The following PLXDC2 variants were observed in gnomAD, a reference collection of about 807,000 sequenced individuals.
PLXDC2 encodes the protein plexin domain-containing protein 2.
PLXDC2 carries 40 observed loss-of-function variants against 68.9 expected under a neutral mutation model. The ratio of observed to expected loss-of-function variants is 0.58; its 90% CI spans 0.45 to 0.76. PLXDC2 has a LOEUF of 0.76. Ranked by LOEUF, PLXDC2 falls within the 30% of genes least tolerant of loss-of-function variation. The probability of loss-of-function intolerance (pLI) is 0.00; values close to 1 mark genes in which losing one functional copy is unlikely to be tolerated. For missense variants in PLXDC2, 644 were observed against 661.9 expected, an observed-to-expected ratio of 0.97 and a Z score of 0.30; for synonymous variants, 243 against 234.2, an observed-to-expected ratio of 1.04 and a Z score of -0.34.
At chr10:20,174,716 A>G (rs1252114025) in intron 7 of PLXDC2, among the ~76,000 whole-genome samples, 2 of 152,106 alleles carry the variant, frequency 1.3e-5, no homozygotes, top group African/African-American at 4.8e-5. Flanking sequence ...TGGGTGCAGC[A>G]CACCAACATG....
chr10:20,144,063 T>C (rs1230020755), intron 5 of PLXDC2, among the ~76,000 whole-genome samples: 1 of 152,136 alleles, frequency 6.6e-6, no homozygotes, highest in East Asian at 1.9e-4. Flanking sequence ...TTCAAGGTCT[T>C]GGAGACATAA....
intron 1 of PLXDC2, among the ~76,000 whole-genome samples, chr10:19,914,578 G>A (rs1163481193): frequency 1.3e-5 from 2 of 152,166 alleles, no homozygotes; most frequent in Non-Finnish European, 2.9e-5. Flanking sequence ...TCAGGCCAAA[G>A]CATTTATAGC....
chr10:20,068,160 T>C lies in PLXDC2; in HGVS notation c.472-10T>C, dbSNP rs564174731. On this transcript the variant is annotated splice_polypyrimidine_tract_variant and intron_variant, in intron 3 of 13. Coordinates refer to ENST00000377252, the MANE Select transcript of PLXDC2 (RefSeq NM_032812.9). ...TTATTGATTTTTTTCTCTGGTGTTG[T>C]TCTTTGCAGAGAGTGAATCTGTCCT... The C allele has an allele frequency of 6.2e-7, 1 of 1,608,660 alleles. No homozygotes were observed. Among genetic ancestry groups the C allele is most frequent in the Admixed American group, 1.7e-5 (1 of 59,576 alleles).
At chr10:19,918,867 A>G (rs1335292845) in intron 1 of PLXDC2, among the ~76,000 whole-genome samples, 1 of 152,198 alleles carries the variant, frequency 6.6e-6, no homozygotes, top group African/African-American at 2.4e-5. Context: ...AATCGTTAAG[A>G]AGTTATTTCA....
At chr10:20,039,938 C>T (rs1480966140) in intron 2 of PLXDC2, among the ~76,000 whole-genome samples, 4 of 152,064 alleles carry the variant, frequency 2.6e-5, no homozygotes, top group African/African-American at 4.8e-5. Flanking sequence ...GAGATTATAG[C>T]GTAAGTGCTG....
intron 5 of PLXDC2, 106 bp downstream of exon 5, chr10:20,143,523 T>C: frequency 7.2e-7 from 1 of 1,391,036 alleles, no homozygotes; most frequent in Non-Finnish European, 9.9e-7. Flanking sequence ...GTGTGTAAAC[T>C]GCTTGATGCA....
chr10:20,259,745 G>T (rs912295386), intron 13 of PLXDC2, among the ~76,000 whole-genome samples: 1 of 152,214 alleles, frequency 6.6e-6, no homozygotes, highest in Non-Finnish European at 1.5e-5. Flanking sequence ...AGGGGCAAGT[G>T]CCCACTCCAG....
At chr10:19,976,846 TCCTTATTTTTTCCGTTTCTTCC>T (rs1834465614) in intron 1 of PLXDC2, among the ~76,000 whole-genome samples, 1 of 151,936 alleles carries the variant, frequency 6.6e-6, no homozygotes, top group Non-Finnish European at 1.5e-5. Flanking sequence ...CATTTTCTTG[TCCTTATTTTTTCCGTTTCTTCC>T]CCTTATTTTT....
chr10:19,905,130 G>T (rs1328415317), intron 1 of PLXDC2, among the ~76,000 whole-genome samples: 1 of 152,200 alleles, frequency 6.6e-6, no homozygotes, highest in Non-Finnish European at 1.5e-5. Flanking sequence ...ACAGAACCTC[G>T]TGTGCTCTGA....
At chr10:20,215,098 A>G (rs1037133750) in intron 10 of PLXDC2, among the ~76,000 whole-genome samples, 1 of 152,200 alleles carries the variant, frequency 6.6e-6, no homozygotes, top group Non-Finnish European at 1.5e-5. Flanking sequence ...ATGATCCATA[A>G]GAACCACCCC....
At chr10:20,216,922 ACATT>A (rs148169019) in intron 10 of PLXDC2, among the ~76,000 whole-genome samples, 2,006 of 152,344 alleles carry the variant, frequency 0.013, 48 homozygotes, top group African/African-American at 0.046. Flanking sequence ...AAAATTTTAG[ACATT>A]CATTCAACTT....
chr10:20,242,599 T>C (rs542302792), intron 12 of PLXDC2, among the ~76,000 whole-genome samples: 3 of 152,274 alleles, frequency 2.0e-5, no homozygotes, highest in African/African-American at 7.2e-5. Context: ...TCTTTTTCCT[T>C]CCTCTCTTTT....
In PLXDC2 at chr10:20,044,561, C is replaced by T. The variant is rs147736866; in HGVS notation, c.325-2308C>T. Among the ~76,000 whole-genome samples, 565 of 152,018 alleles carry T rather than the reference C, an allele frequency of 3.7e-3. 6 individuals are homozygous for T. Among genetic ancestry groups the T allele is most frequent in the African/African-American group, 0.013 (527 of 41,494 alleles). The stretch of plus-strand genomic sequence containing the variant: ...CTGACCTCAGGTGATCCACCCGCCT[C>T]GGCCTCCCAAAGTGTTGTGATTACA... On this transcript the variant is annotated intron_variant, in intron 2 of 13. Coordinates refer to ENST00000377252, the MANE Select transcript of PLXDC2 (RefSeq NM_032812.9).
chr10:20,219,199 AG>A, intron 12 of PLXDC2, 97 bp downstream of exon 12: 1 of 1,289,338 alleles, frequency 7.8e-7, no homozygotes, highest in South Asian at 1.4e-5. Context: ...TCTAGATAAA[AG>A]GTGAGGTTGT....
At chr10:20,265,648 G>A (rs1214077241) in intron 13 of PLXDC2, among the ~76,000 whole-genome samples, 6 of 152,092 alleles carry the variant, frequency 3.9e-5, no homozygotes, top group African/African-American at 1.4e-4. Context: ...ATACCTCATA[G>A]TTATAATCTC....
intron 12 of PLXDC2, among the ~76,000 whole-genome samples, chr10:20,230,706 A>AAAAAAAAAAAAAAAAAAAAAAG: frequency 2.0e-5 from 3 of 149,634 alleles, no homozygotes; most frequent in Non-Finnish European, 4.5e-5. Context: ...AAAAAAAAAA[A>AAAAAAAAAAAAAAAAAAAAAAG]AAAAAAAACA....
intron 1 of PLXDC2, among the ~76,000 whole-genome samples, chr10:19,874,123 G>A (rs1837592306): frequency 6.6e-6 from 1 of 152,132 alleles, no homozygotes; most frequent in South Asian, 2.1e-4. Flanking sequence ...CAACACTTAC[G>A]ATCACAGTGG....
intron 1 of PLXDC2, among the ~76,000 whole-genome samples, chr10:19,969,173 T>C (rs989450597): frequency 1.3e-5 from 2 of 152,180 alleles, no homozygotes; most frequent in African/African-American, 4.8e-5. Flanking sequence ...ATCAGAAACA[T>C]GTGATGGAAG....
intron 1 of PLXDC2, among the ~76,000 whole-genome samples, chr10:19,921,299 AAAGT>A (rs769377005): frequency 2.0e-5 from 3 of 152,126 alleles, no homozygotes; most frequent in Non-Finnish European, 4.4e-5. Context: ...TAAATTTGAG[AAAGT>A]ATGTTCACAG....
Sources: gnomAD v4.1 joint callset for allele counts (sites outside exome capture counted in the v4.1 genomes callset) on GRCh38, gnomAD v4.1.1 for gene constraint, MANE v1.5 for transcripts, NCBI Gene and HGNC (gene_info 2026-07-23, HGNC 2026-07-21) for gene names.